COL21A1: variants seen among roughly 807,000 people sequenced by gnomAD.
COL21A1 encodes the protein collagen alpha-1(XXI) chain.
In COL21A1, 149 loss-of-function variants were observed where a neutral mutation model predicts 137.9. That is an observed-to-expected ratio of 1.08 (90% CI 0.95 to 1.24). The LOEUF is 1.24. COL21A1 is among the 50% of genes most tolerant of loss of function. COL21A1 has a pLI of 0.00. For synonymous variants in COL21A1, 456 were observed against 391.5 expected (o/e 1.16, Z -1.95); for missense variants, 1,167 against 1,158.4 (o/e 1.01, Z -0.11).
intron 1 of COL21A1, among the ~76,000 whole-genome samples, chr6:56,225,297 C>G (rs570901711): frequency 6.3e-4 from 96 of 152,196 alleles, no homozygotes; most frequent in Admixed American, 1.2e-3. Context: ...AAGAAACTAA[C>G]CACTAGGTCA....
At chr6:56,081,073 A>G (rs1053097404) in intron 17 of COL21A1, among the ~76,000 whole-genome samples, 3 of 151,720 alleles carry the variant, frequency 2.0e-5, no homozygotes, top group Non-Finnish European at 2.9e-5. Context: ...ACATTCTATC[A>G]ATTAGCTTTC....
In COL21A1 at chr6:56,182,570, G is replaced by A; in HGVS notation, c.49C>T (p.Gln17Ter). 1 of 1,605,948 alleles carries A rather than the reference G, an allele frequency of 6.2e-7. No homozygotes were observed. ...FLCMVLVLLL[Q>*]NSVLAEDGEV... is the part of the protein sequence containing the mutation. ...CCATCTTCAGCTAACACAGAATTCT[G>A]AAGAAGCAGCACCAAAACCATGCAG... Residue 17 changes from glutamine to a stop codon, truncating the protein, a stop_gained, in exon 2 of 30, where the codon CAG (glutamine) becomes TAG (stop). Transcript: ENST00000244728. LOFTEE classifies it high-confidence loss of function.
rs57637593 is a variant in COL21A1, at chr6:56,263,969, AAC to A, written c.-38-81315_-38-81314del. 4.9e-3 allele frequency among the ~76,000 whole-genome samples: 739 copies of A among 150,620 alleles called. 5 individuals are homozygous for A. The highest frequency in any genetic ancestry group is 7.7e-3 in the Non-Finnish European group (516 of 67,428). On this transcript the variant is annotated intron_variant, in intron 1 of 28. Coordinates refer to the COL21A1 transcript ENST00000370819. ...ATAAAGAGAACCACTCTCATACACA[AAC>A]ACACACACACACACACAAACACACA...
chr6:56,331,264 C>T (rs115131980), intron 1 of COL21A1, among the ~76,000 whole-genome samples: 18,188 of 148,244 alleles, frequency 0.12, 2,465 homozygotes, highest in East Asian at 0.55. Flanking sequence ...TTTTTTTTTT[C>T]TGTGTAGAAG....
intron 1 of COL21A1, among the ~76,000 whole-genome samples, chr6:56,341,344 G>A (rs1405905361): frequency 6.6e-6 from 1 of 152,098 alleles, no homozygotes; most frequent in African/African-American, 2.4e-5. Context: ...CATTATTCAA[G>A]GATGGAATAA....
intron 1 of COL21A1, among the ~76,000 whole-genome samples, chr6:56,333,555 T>C (rs1765277733): frequency 1.3e-5 from 2 of 152,124 alleles, no homozygotes; most frequent in Non-Finnish European, 2.9e-5. Context: ...GGGGTTGTTC[T>C]AGTTTTGGGC....
At chr6:56,308,846 T>A (rs1431806714) in intron 1 of COL21A1, among the ~76,000 whole-genome samples, 1 of 152,158 alleles carries the variant, frequency 6.6e-6, no homozygotes, top group Non-Finnish European at 1.5e-5. Context: ...AGGGTAAATA[T>A]AAAACATTTC....
intron 17 of COL21A1, among the ~76,000 whole-genome samples, chr6:56,086,012 A>T (rs941001341): frequency 6.7e-6 from 1 of 149,906 alleles, no homozygotes; most frequent in African/African-American, 2.4e-5. Flanking sequence ...TTTATATATA[A>T]GTGAGACTCT....
At chr6:56,148,769 T>C (rs528770028) in intron 10 of COL21A1, among the ~76,000 whole-genome samples, 8 of 152,336 alleles carry the variant, frequency 5.3e-5, no homozygotes, top group Middle Eastern at 3.4e-3. Context: ...CGTCCTCTTA[T>C]ACTCTATCAC....
At chr6:56,310,099 G>T (rs1764573021) in intron 1 of COL21A1, among the ~76,000 whole-genome samples, 1 of 152,184 alleles carries the variant, frequency 6.6e-6, no homozygotes, top group African/African-American at 2.4e-5. Flanking sequence ...TCCAGGATCA[G>T]TTAGTTGGAG....
chr6:56,134,637 G>C (rs906842824), intron 12 of COL21A1, among the ~76,000 whole-genome samples: 1 of 152,214 alleles, frequency 6.6e-6, no homozygotes, highest in African/African-American at 2.4e-5. Flanking sequence ...AAATTGAATT[G>C]TAACTTCCAT....
chr6:56,360,248 T>C (rs966669659), intron 1 of COL21A1, among the ~76,000 whole-genome samples: 2 of 152,208 alleles, frequency 1.3e-5, no homozygotes, highest in African/African-American at 4.8e-5. Flanking sequence ...CATTGTGCCA[T>C]GGCATCTGTT....
intron 16 of COL21A1, among the ~76,000 whole-genome samples, chr6:56,103,046 A>G (rs1770588442): frequency 6.6e-6 from 1 of 152,188 alleles, no homozygotes; most frequent in African/African-American, 2.4e-5. Context: ...ATGAAGAAAT[A>G]ATGCAATATT....
At chr6:56,169,358 G>A (rs1240301590) in intron 5 of COL21A1, among the ~76,000 whole-genome samples, 2 of 151,920 alleles carry the variant, frequency 1.3e-5, no homozygotes, top group African/African-American at 4.8e-5. Context: ...TAAGGATAAA[G>A]TTGAAAGTAT....
At chr6:56,151,500 T>C (rs541109762) in intron 10 of COL21A1, among the ~76,000 whole-genome samples, 1 of 152,218 alleles carries the variant, frequency 6.6e-6, no homozygotes, top group South Asian at 2.1e-4. Context: ...ATAATAGAGG[T>C]TATTTAACTG....
At chr6:56,266,270 A>T (rs1763388615) in intron 1 of COL21A1, among the ~76,000 whole-genome samples, 1 of 152,256 alleles carries the variant, frequency 6.6e-6, no homozygotes, top group South Asian at 2.1e-4. Flanking sequence ...AAATTAGAAA[A>T]TATAAAAGTA....
intron 4 of COL21A1, 32 bp downstream of exon 4, chr6:56,170,928 C>T: frequency 5.0e-6 from 8 of 1,589,526 alleles, no homozygotes; most frequent in Non-Finnish European, 4.3e-6. Context: ...ACATATCCCC[C>T]CAAAAAAGTT....
chr6:56,116,390 C>A (rs1771921646), intron 16 of COL21A1, among the ~76,000 whole-genome samples: 3 of 64,970 alleles, frequency 4.6e-5, no homozygotes, highest in Admixed American at 2.7e-4. Context: ...TTTTAAGTGC[C>A]AAAGGTAAAA....
chr6:56,316,476 A>ATTTTTT (rs776151498), intron 1 of COL21A1, among the ~76,000 whole-genome samples: 28 of 30,336 alleles, frequency 9.2e-4, no homozygotes, highest in South Asian at 8.0e-3. Context: ...TTCTAAATAG[A>ATTTTTT]CTTTTTTTTT....
Sources: allele counts gnomAD v4.1 joint callset (sites outside exome capture counted in the v4.1 genomes callset), GRCh38; gene constraint gnomAD v4.1.1; transcripts MANE v1.5; gene names NCBI Gene and HGNC (gene_info 2026-07-23, HGNC 2026-07-21).